The following ABCC8 variants were observed in gnomAD, a reference collection of about 807,000 sequenced individuals.
ABCC8 encodes the protein ATP-binding cassette sub-family C member 8.
Under a neutral mutation model 188.0 loss-of-function variants are expected in ABCC8, and 137 were observed. The observed-to-expected ratio is 0.73, with a 90% CI of 0.63 to 0.84. ABCC8 has a LOEUF of 0.84. Among genes scored for constraint, ABCC8 ranks in the 40% least tolerant of loss-of-function variants. The probability of loss-of-function intolerance (pLI) is 0.00; values close to 1 mark genes in which losing one functional copy is unlikely to be tolerated. For synonymous variants in ABCC8, 797 were observed against 846.5 expected, an observed-to-expected ratio of 0.94 and a Z score of 1.01; for missense variants, 1,750 against 2,072.7, an observed-to-expected ratio of 0.84 and a Z score of 3.02.
intron 16 of ABCC8, among the ~76,000 whole-genome samples, chr11:17,425,415 T>A (rs10832786): frequency 0.11 from 16,532 of 152,272 alleles, 1,086 homozygotes; most frequent in Non-Finnish European, 0.15. Context: ...TCTGTACTCA[T>A]GCTTATGAAA....
rs1238887462 is a variant in ABCC8, at chr11:17,413,454, G to A, written c.2415C>T (p.Cys805=). The stretch of plus-strand genomic sequence containing the variant: ...GGATGTCGATGTCTGGCTGCAGAGA[G>A]CAGGCTTCAATGACCATCTTGTACC... ...KQRYKMVIEA[C]SLQPDIDILP... Residue 805 remains cysteine (C), a synonymous_variant, in exon 20 of 39, where the codon TGC becomes TGT. Transcript: ENST00000389817. The A allele has an allele frequency of 6.2e-7, 1 of 1,614,140 alleles. No homozygotes were observed. The highest frequency in any genetic ancestry group is 1.7e-5 in the Admixed American group (1 of 60,026).
At chr11:17,458,408 G>T (rs1165489087) in intron 6 of ABCC8, among the ~76,000 whole-genome samples, 2 of 152,224 alleles carry the variant, frequency 1.3e-5, no homozygotes, top group African/African-American at 2.4e-5. Flanking sequence ...CATCTCTTTG[G>T]CACGTCCTGC....
intron 29 of ABCC8, 140 bp from the exon 30 acceptor site, chr11:17,398,581 C>T (rs989316666): frequency 6.6e-7 from 1 of 1,504,710 alleles, no homozygotes; most frequent in Admixed American, 2.0e-5. Context: ...TAAGCTATCC[C>T]TCTCTGGAAT....
rs112318090 is a variant in ABCC8 at position 17,398,790 on chromosome 11, A to G, written c.3651-349T>C. On this transcript the variant is annotated intron_variant, in intron 29 of 38. Transcript: ENST00000389817. ...GGCAAGTCCTCTTATGTCTCTCTCT[A>G]AAAGAGTCCTTGCCTCCCTCCCCCT... Among the ~76,000 whole-genome samples the G allele has an allele frequency of 5.0e-3, 758 of 152,182 alleles. 9 individuals carry two copies. The highest frequency in any genetic ancestry group is 0.017 in the African/African-American group (721 of 41,498).
intron 3 of ABCC8, among the ~76,000 whole-genome samples, chr11:17,469,783 T>C (rs1848375951): frequency 6.6e-6 from 1 of 152,190 alleles, no homozygotes; most frequent in Non-Finnish European, 1.5e-5. Flanking sequence ...CCCCCAAATA[T>C]CTGCATGCCC....
chr11:17,476,103 G>A (rs1264799233), intron 1 of ABCC8, among the ~76,000 whole-genome samples: 1 of 152,212 alleles, frequency 6.6e-6, no homozygotes, highest in Non-Finnish European at 1.5e-5. Context: ...CAGGGCGCGG[G>A]CCTGGGACTG....
intron 3 of ABCC8, among the ~76,000 whole-genome samples, chr11:17,464,357 G>A (rs543683267): frequency 1.3e-5 from 2 of 152,354 alleles, no homozygotes; most frequent in African/African-American, 2.4e-5. Context: ...GAAAGAGCCA[G>A]CCACAGTTCT....
intron 7 of ABCC8, among the ~76,000 whole-genome samples, chr11:17,451,889 G>A (rs529048638): frequency 1.2e-4 from 18 of 152,304 alleles, no homozygotes; most frequent in Admixed American, 1.0e-3. Context: ...AAAGGAAAAT[G>A]CGTTCCCTCC....
chr11:17,476,673 G>A lies in ABCC8; in HGVS notation c.104C>T (p.Pro35Leu), dbSNP rs990625730. The change falls in exon 1 of 39, where the codon CCG becomes CTG. Residue 35 changes from proline (P) to leucine (L), a missense_variant. Physicochemically the swap from Pro to Leu is moderately conservative, Grantham distance 98. Coordinates refer to ENST00000389817, the MANE Select transcript of ABCC8 (RefSeq NM_000352.6). ...GCFVDALNVV[P>L]HVFLLFITFP... ...GGTGATGAAGAGTAGGAAGACGTGC[G>A]GCACCACGTTGAGCGCGTCCACAAA... is the stretch of plus-strand genomic sequence containing the variant. 1 of 1,612,306 alleles carries A rather than the reference G, an allele frequency of 6.2e-7. No individual in the cohort carries two copies. The highest frequency in any genetic ancestry group is 8.5e-7 in the Non-Finnish European group (1 of 1,179,402).
At position 17,410,504 on chromosome 11, in the gene ABCC8, G is replaced by C; in HGVS notation, c.2694+12C>G. On this transcript the variant is annotated intron_variant, in intron 22 of 38. Coordinates refer to ENST00000389817, the MANE Select transcript of ABCC8 (RefSeq NM_000352.6). ...CTGCCCCCTATAGCCTGACCCCCTTGTTCCCCCTCACCCAGTCTGCATGGG... is the reference window on the plus strand; with the variant it reads ...CTGCCCCCTATAGCCTGACCCCCTTCTTCCCCCTCACCCAGTCTGCATGGG... 1 of 1,614,072 alleles carries C rather than the reference G, an allele frequency of 6.2e-7. No homozygotes were observed. Among genetic ancestry groups the C allele is most frequent in the East Asian group, 2.2e-5 (1 of 44,862 alleles).
At chr11:17,450,561 AT>A (rs752614872) in intron 7 of ABCC8, among the ~76,000 whole-genome samples, 11 of 137,980 alleles carry the variant, frequency 8.0e-5, no homozygotes, top group African/African-American at 8.2e-5. Flanking sequence ...TGCCTGGCTA[AT>A]TTTTTTTTGT....
chr11:17,464,813 C>T (rs1319025147), intron 3 of ABCC8, among the ~76,000 whole-genome samples: 1 of 152,344 alleles, frequency 6.6e-6, no homozygotes, highest in Admixed American at 6.5e-5. Context: ...GCAGCTCCTT[C>T]CCTCCTCCCT....
chr11:17,474,692 G>A (rs1848660726), intron 2 of ABCC8, among the ~76,000 whole-genome samples, 194 bp downstream of exon 2: 1 of 152,200 alleles, frequency 6.6e-6, no homozygotes, highest in African/African-American at 2.4e-5. Flanking sequence ...CTCCTGGACT[G>A]ATGGCAGGGC....
At position 17,430,846 on chromosome 11, in the gene ABCC8, A is replaced by G. The variant is rs983621605; in HGVS notation, c.1785T>C (p.Ser595=). The change falls in exon 12 of 39, where the codon AGT becomes AGC. Residue 595 remains serine (S), a synonymous_variant. Transcript: ENST00000389817. Reference sequence around the variant, plus strand: ...GAGCTTTGACGGTAGATCGGACCACACTGGACAGCAGGAACAGCGGTGTGA... The same window carrying G: ...GAGCTTTGACGGTAGATCGGACCACGCTGGACAGCAGGAACAGCGGTGTGA... ...ILVTPLFLLS[S]VVRSTVKALV... is the part of the protein sequence containing the mutation. 6.2e-7 allele frequency: 1 copy of G among 1,614,044 alleles called. No homozygotes were observed. The highest frequency in any genetic ancestry group is 1.3e-5 in the African/African-American group (1 of 74,920).
At chr11:17,421,941 T>C (rs1293630430) in intron 16 of ABCC8, among the ~76,000 whole-genome samples, 1 of 152,232 alleles carries the variant, frequency 6.6e-6, no homozygotes, top group Admixed American at 6.5e-5. Context: ...GGTCACCAGG[T>C]CTTGGCCTGG....
chr11:17,470,897 G>T (rs181651809), intron 2 of ABCC8, among the ~76,000 whole-genome samples: 3 of 152,290 alleles, frequency 2.0e-5, no homozygotes, highest in African/African-American at 7.2e-5. Context: ...CTCCTTCCAG[G>T]CCTCAGTCTT....
chr11:17,447,136 A>C (rs1956565582), intron 8 of ABCC8, among the ~76,000 whole-genome samples: 2 of 152,302 alleles, frequency 1.3e-5, no homozygotes, highest in South Asian at 4.1e-4. Flanking sequence ...TGTCTCACCC[A>C]AGTCACTTTC....
chr11:17,397,666 T>A lies in ABCC8; in HGVS notation c.3867+18A>T. On this transcript the variant is annotated intron_variant, in intron 31 of 38. Transcript: ENST00000389817. ...CTGGTGTCTGACCCCTCCTCTGCCC[T>A]AGCCCACTGCCGCTCACCATTAGGG... 6.2e-7 allele frequency: 1 copy of A among 1,609,484 alleles called. No homozygotes were observed. The highest frequency in any genetic ancestry group is 1.7e-5 in the Admixed American group (1 of 59,956).
intron 8 of ABCC8, 64 bp from the exon 9 acceptor site, chr11:17,443,376 CA>C (rs1466469062): frequency 1.9e-6 from 3 of 1,611,414 alleles, no homozygotes; most frequent in Non-Finnish European, 2.5e-6. Context: ...GAGGTGCTGG[CA>C]AAATCCCTGT....
Sources: gnomAD v4.1 joint callset for allele counts (sites outside exome capture counted in the v4.1 genomes callset) on GRCh38, gnomAD v4.1.1 for gene constraint, MANE v1.5 for transcripts, NCBI Gene and HGNC (gene_info 2026-07-23, HGNC 2026-07-21) for gene names.